Variants in HECW1 observed in about 807,000 individuals in gnomAD.
HECW1 encodes E3 ubiquitin-protein ligase HECW1.
HECW1 carries 61 observed loss-of-function variants against 182.3 expected under a neutral mutation model. The observed-to-expected ratio is 0.33, with a 90% CI of 0.27 to 0.41. The LOEUF (loss-of-function observed/expected upper bound fraction) is 0.41, where lower values mean the gene tolerates loss of function less well. HECW1 is among the 10% of genes least tolerant of loss of function. HECW1 has a pLI of 1.00. For synonymous variants in HECW1, 859 were observed against 832.6 expected (o/e 1.03, Z -0.55); for missense variants, 1,739 against 2,108.9 (o/e 0.82, Z 3.44).
intron 3 of HECW1, among the ~76,000 whole-genome samples, chr7:43,250,717 G>A (rs997292026): frequency 6.6e-6 from 1 of 152,156 alleles, no homozygotes; most frequent in African/African-American, 2.4e-5. Context: ...TCCCTTGCAA[G>A]TTTATTTTAT....
chr7:43,196,452 A>G (rs1037420680), intron 2 of HECW1, among the ~76,000 whole-genome samples: 4 of 152,224 alleles, frequency 2.6e-5, no homozygotes, highest in African/African-American at 9.6e-5. Context: ...TCCGTTTTGC[A>G]TAAGTGAACC....
At chr7:43,402,583 C>T (rs1350688787) in intron 7 of HECW1, among the ~76,000 whole-genome samples, 1 of 152,182 alleles carries the variant, frequency 6.6e-6, no homozygotes, top group African/African-American at 2.4e-5. Flanking sequence ...TTACACCTCA[C>T]TTTAAAATAA....
At position 43,532,607 on chromosome 7, in the gene HECW1, ACCTTCCCACCTTAGAT is replaced by A. The variant is rs553474045; in HGVS notation, c.4020-8553_4020-8538del. On this transcript the variant is annotated intron_variant, in intron 24 of 29. Transcript: ENST00000395891. Reference sequence around the variant, plus strand: ...TTTGCATTGCTCAAGCAAACCACACACCTTCCCACCTTAGATCCCCTAAGCTGTCCCCCAGCTTGTG... The same window carrying A: ...TTTGCATTGCTCAAGCAAACCACACACCCCTAAGCTGTCCCCCAGCTTGTG... Among the ~76,000 whole-genome samples, 342 of 151,876 alleles carry A rather than the reference ACCTTCCCACCTTAGAT, an allele frequency of 2.3e-3. 1 individual carries two copies. The highest frequency in any genetic ancestry group is 7.5e-3 in the African/African-American group (310 of 41,398).
At chr7:43,276,870 G>A (rs1167047080) in intron 3 of HECW1, among the ~76,000 whole-genome samples, 1 of 152,204 alleles carries the variant, frequency 6.6e-6, no homozygotes, top group Non-Finnish European at 1.5e-5. Flanking sequence ...GAACCATACA[G>A]AATGCTCTGC....
intron 3 of HECW1, 51 bp from the exon 4 acceptor site, chr7:43,311,712 C>CT (rs2152772552): frequency 6.5e-7 from 1 of 1,548,118 alleles, no homozygotes; most frequent in Non-Finnish European, 8.9e-7. Context: ...ATGACGGTGA[C>CT]TGAGTTGCCG....
chr7:43,429,810 G>A (rs771181919), intron 8 of HECW1, among the ~76,000 whole-genome samples: 1 of 152,164 alleles, frequency 6.6e-6, no homozygotes, highest in Non-Finnish European at 1.5e-5. Context: ...AATGGTACCA[G>A]GCAGCCTCTT....
intron 17 of HECW1, among the ~76,000 whole-genome samples, chr7:43,488,488 G>GAAAGAA (rs767310220): frequency 5.9e-4 from 67 of 112,704 alleles, no homozygotes; most frequent in African/African-American, 1.2e-3. Flanking sequence ...AAGAAAGAAA[G>GAAAGAA]AGAAAGAAAG....
intron 5 of HECW1, among the ~76,000 whole-genome samples, chr7:43,328,975 G>T (rs1811131684): frequency 6.6e-6 from 1 of 152,160 alleles, no homozygotes; most frequent in Admixed American, 6.5e-5. Context: ...GTCTCCAGGG[G>T]CTCAGATCTA....
At chr7:43,494,921 C>A (rs995748061) in intron 19 of HECW1, among the ~76,000 whole-genome samples, 1 of 152,188 alleles carries the variant, frequency 6.6e-6, no homozygotes, top group African/African-American at 2.4e-5. Flanking sequence ...ACCTCCACCA[C>A]ACAGGCTGCG....
chr7:43,459,328 G>A lies in HECW1; in HGVS notation c.2651+2881G>A, dbSNP rs552387787. Among the ~76,000 whole-genome samples, 28 of 152,276 alleles carry A rather than the reference G, an allele frequency of 1.8e-4. 1 individual carries two copies. In the South Asian group the frequency reaches 5.6e-3, roughly 30 times the overall value. On this transcript the variant is annotated intron_variant, in intron 13 of 29. Coordinates refer to ENST00000395891, the MANE Select transcript of HECW1 (RefSeq NM_015052.5). ...ACTACTCAGTACAAGATCATTTTCT[G>A]AGTTAATTCCCATGCTTTCAGAATA...
chr7:43,310,333 C>T (rs1195964290), intron 3 of HECW1, among the ~76,000 whole-genome samples: 2 of 152,132 alleles, frequency 1.3e-5, no homozygotes, highest in East Asian at 1.9e-4. Context: ...TGCCAGTCTT[C>T]CTGAGAGGAG....
Position 43,444,475 on chromosome 7 carries a change from C to G in HECW1, c.1303C>G (p.Pro435Ala). The change falls in exon 11 of 30, where the codon CCT becomes GCT. Residue 435 changes from proline to alanine, a missense_variant. Physicochemically the swap from Pro to Ala is conservative, Grantham distance 27. This residue lies in a region of HECW1 where 971 missense variants were observed against 1,029.1 expected (regional missense o/e 0.94). Coordinates refer to ENST00000395891, the MANE Select transcript of HECW1 (RefSeq NM_015052.5). This position sits in a 1 kb window ranked among gnomAD's most constrained non-coding sequence, Gnocchi z 4.3. The stretch of plus-strand genomic sequence containing the variant: ...AGACCAGGGCATGGTCTCTGTGGGA[C>G]CTGAAGGGGCTGGGGAGCTCCTGGC... ...AGDQGMVSVGPEGAGELLAQV... is the reference protein window; with the variant it reads ...AGDQGMVSVGAEGAGELLAQV... 1 of 1,613,222 alleles carries G rather than the reference C, an allele frequency of 6.2e-7. No individual in the cohort carries two copies. The highest frequency in any genetic ancestry group is 8.5e-7 in the Non-Finnish European group (1 of 1,179,690).
chr7:43,393,520 T>C (rs993064920), intron 6 of HECW1, among the ~76,000 whole-genome samples: 4 of 152,212 alleles, frequency 2.6e-5, no homozygotes, highest in African/African-American at 9.6e-5. Flanking sequence ...TGGCTACCAT[T>C]CCCTCCATTT....
At chr7:43,308,319 ATATGATATATTT>A (rs1808037914) in intron 3 of HECW1, among the ~76,000 whole-genome samples, 1 of 129,712 alleles carries the variant, frequency 7.7e-6, no homozygotes, top group Non-Finnish European at 1.6e-5. Context: ...TTTATATATT[ATATGATATATTT>A]ATATATATTA....
intron 2 of HECW1, among the ~76,000 whole-genome samples, chr7:43,172,930 C>T (rs936588352): frequency 4.6e-5 from 7 of 152,318 alleles, no homozygotes; most frequent in Admixed American, 2.6e-4. Context: ...CATTCGTTTG[C>T]CTTTGTCTAG....
chr7:43,432,340 C>T lies in HECW1; in HGVS notation c.802-5663C>T, dbSNP rs1220520702. 4.6e-5 allele frequency among the ~76,000 whole-genome samples: 7 copies of T among 151,660 alleles called. No homozygotes were observed. In the South Asian group the frequency reaches 6.2e-4, roughly 14 times the overall value. Reference sequence around the variant, plus strand: ...ATTTTTAGTAGAGACGGGGTTTCACCGTTTTAGCCGGGATGGTCTCGATCT... The same window carrying T: ...ATTTTTAGTAGAGACGGGGTTTCACTGTTTTAGCCGGGATGGTCTCGATCT... On this transcript the variant is annotated intron_variant, in intron 8 of 29. Coordinates refer to ENST00000395891, the MANE Select transcript of HECW1 (RefSeq NM_015052.5). This position sits in a 1 kb window ranked among gnomAD's most constrained non-coding sequence, Gnocchi z 4.1.
chr7:43,295,522 G>T (rs1805930962), intron 3 of HECW1, among the ~76,000 whole-genome samples: 1 of 152,154 alleles, frequency 6.6e-6, no homozygotes. Context: ...ATACGGAGAA[G>T]GTCCCACTCC....
rs148118307 is a variant in HECW1, at chr7:43,523,815, G to A, written c.4019+14694G>A. On this transcript the variant is annotated intron_variant, in intron 24 of 29. Transcript: ENST00000395891. The stretch of plus-strand genomic sequence containing the variant: ...AAAGAAGACCCCCCCAATTAGTGGG[G>A]TGTAAGGAGGCAAGGATGCATGTGC... Among the ~76,000 whole-genome samples the A allele has an allele frequency of 4.1e-4, 63 of 152,252 alleles. 1 individual carries two copies. The East Asian group carries it at 0.012, about 29-fold the overall frequency.
intron 2 of HECW1, among the ~76,000 whole-genome samples, chr7:43,221,874 C>T (rs776402531): frequency 2.6e-4 from 39 of 152,066 alleles, no homozygotes; most frequent in Non-Finnish European, 4.0e-4. Context: ...GAGCTGATTG[C>T]ATTTTATCAT....
Sources: allele counts gnomAD v4.1 joint callset (sites outside exome capture counted in the v4.1 genomes callset), GRCh38; gene constraint gnomAD v4.1.1; regional missense constraint gnomAD v4.1.1; non-coding constraint Gnocchi (gnomAD v3.1); transcripts MANE v1.5; gene names NCBI Gene and HGNC (gene_info 2026-07-23, HGNC 2026-07-21).